Variants in TP63 observed in about 807,000 individuals in gnomAD.
TP63 encodes tumor protein 63.
TP63 carries 17 observed loss-of-function variants against 82.8 expected under a neutral mutation model. That is an observed-to-expected ratio of 0.21 (90% CI 0.14 to 0.31). The LOEUF is 0.31. Ranked by LOEUF, TP63 falls within the 10% of genes least tolerant of loss-of-function variation. The pLI, the probability that TP63 is intolerant of heterozygous loss-of-function variation, is 1.00. For synonymous variants in TP63, 330 were observed against 321.7 expected, an observed-to-expected ratio of 1.03 and a Z score of -0.28; for missense variants, 648 against 895.3, an observed-to-expected ratio of 0.72 and a Z score of 3.52.
At chr3:189,606,307 A>T in the TP63 span, among the ~76,000 whole-genome samples, 1 of 152,148 alleles carries the variant, frequency 6.6e-6, no homozygotes, top group Non-Finnish European at 1.5e-5. Context: ...TCAGGAAAAA[A>T]AAATCCACAA....
intron 1 of TP63, among the ~76,000 whole-genome samples, chr3:189,707,709 ACAT>A (rs1370751770): frequency 6.6e-6 from 1 of 152,186 alleles, no homozygotes; most frequent in Non-Finnish European, 1.5e-5. Context: ...GTTAATACTA[ACAT>A]CATAACCATT....
chr3:189,654,966 C>T (rs749024869), intron 1 of TP63, among the ~76,000 whole-genome samples: 5 of 152,122 alleles, frequency 3.3e-5, no homozygotes, highest in South Asian at 2.1e-4. Context: ...GGAAATATCA[C>T]GGAACAGTTC....
chr3:189,711,329 G>C (rs552679132), intron 1 of TP63, among the ~76,000 whole-genome samples: 2 of 152,172 alleles, frequency 1.3e-5, no homozygotes, highest in African/African-American at 4.8e-5. Flanking sequence ...GGGTTTCTGT[G>C]TACAAGGTCC....
At chr3:189,885,367 C>T (rs1249541485) in intron 10 of TP63, among the ~76,000 whole-genome samples, 2 of 152,184 alleles carry the variant, frequency 1.3e-5, no homozygotes, top group South Asian at 2.1e-4. Context: ...AGATGGGGAC[C>T]ATGCCTTAAG....
chr3:189,619,117 T>C, the TP63 span, among the ~76,000 whole-genome samples: 1 of 152,186 alleles, frequency 6.6e-6, no homozygotes, highest in Non-Finnish European at 1.5e-5. Context: ...GCTAGCTAAT[T>C]CTGGCAACTC....
chr3:189,681,335 G>T (rs1715883882), intron 1 of TP63, among the ~76,000 whole-genome samples: 1 of 152,108 alleles, frequency 6.6e-6, no homozygotes, highest in Admixed American at 6.5e-5. Flanking sequence ...TCACTATTTT[G>T]CTGATGTCAC....
At chr3:189,868,037 G>A (rs573746022) in intron 7 of TP63, 95 bp downstream of exon 7, 3 of 974,968 alleles carry the variant, frequency 3.1e-6, no homozygotes, top group Admixed American at 2.0e-5. Context: ...TTTTGCATGT[G>A]CAGCGGAGAG....
At chr3:189,631,159 G>A (rs1470856388), upstream of TP63, 1 of 881,070 alleles carries the variant, frequency 1.1e-6, no homozygotes, top group Non-Finnish European at 1.4e-6. Context: ...ACAGAGATCA[G>A]AAGTTCAGAG....
intron 1 of TP63, among the ~76,000 whole-genome samples, chr3:189,671,966 A>G (rs1182049575): frequency 6.6e-6 from 1 of 152,124 alleles, no homozygotes; most frequent in African/African-American, 2.4e-5. Context: ...AATAAGTTCT[A>G]TGTTCTGCAG....
chr3:189,676,664 G>A (rs1208882459), intron 1 of TP63, among the ~76,000 whole-genome samples: 1 of 152,032 alleles, frequency 6.6e-6, no homozygotes, highest in African/African-American at 2.4e-5. Flanking sequence ...TAGTAGTGAA[G>A]TGTGGGCTTT....
At chr3:189,693,195 A>G (rs1560114728) in intron 1 of TP63, among the ~76,000 whole-genome samples, 1 of 152,202 alleles carries the variant, frequency 6.6e-6, no homozygotes. Flanking sequence ...TTCATATCTT[A>G]TACTATTTAA....
At chr3:189,629,288 G>A (rs1053354825), upstream of TP63, among the ~76,000 whole-genome samples, 9 of 152,070 alleles carry the variant, frequency 5.9e-5, no homozygotes, top group African/African-American at 1.4e-4. Flanking sequence ...GGAAGCTGAG[G>A]CAGAAGGATC....
chr3:189,686,703 T>C (rs950517923), intron 1 of TP63, among the ~76,000 whole-genome samples: 1 of 144,758 alleles, frequency 6.9e-6, no homozygotes, highest in Non-Finnish European at 1.5e-5. Flanking sequence ...CTGAGAACTT[T>C]ACTCAGGGGG....
chr3:189,816,329 C>A (rs1383529003), intron 4 of TP63, among the ~76,000 whole-genome samples: 4 of 152,128 alleles, frequency 2.6e-5, no homozygotes, highest in Non-Finnish European at 5.9e-5. Flanking sequence ...TGATGTGTAC[C>A]ATTTATTGTG....
At chr3:189,836,537 T>C (rs556416872) in intron 4 of TP63, among the ~76,000 whole-genome samples, 1 of 152,356 alleles carries the variant, frequency 6.6e-6, no homozygotes, top group South Asian at 2.1e-4. Flanking sequence ...ATAATTCTCA[T>C]TCATCTACCA....
chr3:189,774,762 T>C (rs1723650596), intron 3 of TP63, among the ~76,000 whole-genome samples: 1 of 152,174 alleles, frequency 6.6e-6, no homozygotes, highest in African/African-American at 2.4e-5. Context: ...CCCAGACCTT[T>C]TGACTCCCGG....
the TP63 span, among the ~76,000 whole-genome samples, chr3:189,606,285 C>G: frequency 2.8e-4 from 42 of 152,196 alleles, no homozygotes; most frequent in East Asian, 7.5e-3. Flanking sequence ...AAATTCACTT[C>G]CATTCCAGGC....
intron 3 of TP63, among the ~76,000 whole-genome samples, chr3:189,791,188 C>A (rs546494904): frequency 6.6e-6 from 1 of 152,170 alleles, no homozygotes; most frequent in South Asian, 2.1e-4. Context: ...AATGATCTGT[C>A]CATCATGTCA....
intron 4 of TP63, among the ~76,000 whole-genome samples, chr3:189,819,166 T>C (rs894166207): frequency 6.6e-5 from 10 of 152,210 alleles, no homozygotes; most frequent in African/African-American, 2.4e-4. Flanking sequence ...TGTATCCTTA[T>C]TGTGATGATT....
Sources: allele counts gnomAD v4.1 joint callset (sites outside exome capture counted in the v4.1 genomes callset), GRCh38; gene constraint gnomAD v4.1.1; transcripts MANE v1.5; gene names NCBI Gene and HGNC (gene_info 2026-07-23, HGNC 2026-07-21).